Variants in INTS6L observed in about 807,000 individuals in gnomAD.
INTS6L encodes the protein integrator complex subunit 6-like.
A neutral mutation model predicts 64.7 loss-of-function variants in INTS6L; 18 were observed. The ratio of observed to expected loss-of-function variants is 0.28; its 90% CI spans 0.19 to 0.41. INTS6L has a LOEUF of 0.41. INTS6L is among the 10% of genes least tolerant of loss of function. INTS6L has a pLI of 1.00. For synonymous variants in INTS6L, 227 were observed against 235.9 expected (o/e 0.96, Z 0.34); for missense variants, 533 against 661.0 (o/e 0.81, Z 2.12).
intron 2 of INTS6L, among the ~76,000 whole-genome samples, chrX:135,543,883 T>G (rs782275340): frequency 8.9e-6 from 1 of 112,275 alleles, no homozygotes; most frequent in Admixed American, 9.4e-5. Flanking sequence ...TCCCTATATT[T>G]CCAGTACTAA....
chrX:135,564,929 G>A (rs1322681964), intron 9 of INTS6L, among the ~76,000 whole-genome samples: 4 of 111,169 alleles, frequency 3.6e-5, no homozygotes, highest in African/African-American at 6.6e-5. Context: ...GTCCAGGCTC[G>A]CCACTTGGCC....
intron 9 of INTS6L, 44 bp downstream of exon 9, chrX:135,556,344 G>A (rs781854471): frequency 2.8e-6 from 3 of 1,060,618 alleles, no homozygotes; most frequent in Non-Finnish European, 3.7e-6. Context: ...AAATACAACA[G>A]AAATGAAAAA....
At chrX:135,558,442 G>A (rs782157098) in intron 9 of INTS6L, among the ~76,000 whole-genome samples, 1 of 112,026 alleles carries the variant, frequency 8.9e-6, no homozygotes, top group Non-Finnish European at 1.9e-5. Flanking sequence ...ACATGCAATG[G>A]AATATTATTT....
At chrX:135,537,531 A>T (rs1020831801) in intron 2 of INTS6L, among the ~76,000 whole-genome samples, 3 of 111,519 alleles carry the variant, frequency 2.7e-5, no homozygotes, top group Non-Finnish European at 5.7e-5. Flanking sequence ...TTGGGTGAGG[A>T]AACAGCCACA....
At chrX:135,551,446 A>C (rs982842818) in intron 7 of INTS6L, among the ~76,000 whole-genome samples, 1 of 112,285 alleles carries the variant, frequency 8.9e-6, no homozygotes, top group African/African-American at 3.2e-5. Context: ...GCAAAAATCC[A>C]TCTGGGCCCT....
intron 8 of INTS6L, among the ~76,000 whole-genome samples, chrX:135,552,847 A>G (rs782792991): frequency 7.1e-5 from 8 of 112,492 alleles, no homozygotes; most frequent in Non-Finnish European, 1.3e-4. Flanking sequence ...TGTATGTTCT[A>G]TTTCTAAACT....
intron 2 of INTS6L, among the ~76,000 whole-genome samples, chrX:135,528,244 G>A (rs1160257329): frequency 8.9e-6 from 1 of 111,884 alleles, no homozygotes; most frequent in Non-Finnish European, 1.9e-5. Context: ...TGTTGGAAGT[G>A]GTGATTATGT....
intron 6 of INTS6L, among the ~76,000 whole-genome samples, chrX:135,548,905 G>A (rs1556516152): frequency 8.9e-6 from 1 of 111,797 alleles, no homozygotes; most frequent in African/African-American, 3.3e-5. Flanking sequence ...GAAGGAGGAA[G>A]GAAATGAAAT....
chrX:135,561,844 G>T (rs185204465), intron 9 of INTS6L, among the ~76,000 whole-genome samples: 3 of 111,048 alleles, frequency 2.7e-5, no homozygotes, highest in Non-Finnish European at 5.7e-5. Flanking sequence ...ATCCCTTATG[G>T]TCCTTTTGAT....
At chrX:135,564,283 A>G (rs2086873825) in intron 9 of INTS6L, among the ~76,000 whole-genome samples, 1 of 109,725 alleles carries the variant, frequency 9.1e-6, no homozygotes, top group Non-Finnish European at 1.9e-5. Flanking sequence ...TATATCTTCT[A>G]TTCTTATTCT....
Position 135,545,566 on chromosome X carries a change from T to C in INTS6L, c.333T>C (p.Tyr111=), listed in dbSNP as rs377372032. The change falls in exon 3 of 18, where the codon TAT becomes TAC. Residue 111 remains tyrosine, a synonymous_variant. Coordinates refer to ENST00000639893, the MANE Select transcript of INTS6L (RefSeq NM_001351601.3). ...LNRLISGIDN[Y]GQGRNPFFLE... ...GATTAATATCTGGAATAGACAATTA[T>C]GGACAGGTAAAAATAATTTGAGTGA... 33 of 1,197,584 alleles carry C rather than the reference T, an allele frequency of 2.8e-5. No individual in the cohort carries two copies. The African/African-American group carries it at 5.7e-4, about 21-fold the overall frequency.
chrX:135,521,419 GC>G, intron 2 of INTS6L, 101 bp downstream of exon 2: 1 of 865,698 alleles, frequency 1.2e-6, no homozygotes, highest in Non-Finnish European at 1.6e-6. Flanking sequence ...GCGTCGCCCG[GC>G]GGGGCGGGCG....
At position 135,521,110 on chromosome X, in the gene INTS6L, G is replaced by A. The variant is rs782064029; in HGVS notation, c.111+7G>A. ...TGTGGAGTTATTCTTGAAGGTAAAG[G>A]GAGGGGAGGGGAGAGATGGGGAGAG... On this transcript the variant is annotated splice_region_variant and intron_variant, in intron 1 of 17. Transcript: ENST00000639893. 33 of 1,202,791 alleles carry A rather than the reference G, an allele frequency of 2.7e-5. No homozygotes were observed. The South Asian group carries it at 5.3e-4, about 19-fold the overall frequency.
At chrX:135,557,970 C>T (rs2086684891) in intron 9 of INTS6L, among the ~76,000 whole-genome samples, 1 of 112,167 alleles carries the variant, frequency 8.9e-6, no homozygotes, top group African/African-American at 3.2e-5. Flanking sequence ...CCCTAAATAG[C>T]CTGCTTAAAA....
chrX:135,550,928 A>G (rs1294766256), intron 7 of INTS6L, among the ~76,000 whole-genome samples: 1 of 111,921 alleles, frequency 8.9e-6, no homozygotes, highest in Non-Finnish European at 1.9e-5. Flanking sequence ...TACCTGTTCA[A>G]ATCTAAGGAG....
chrX:135,526,200 C>T (rs1171548493), intron 2 of INTS6L, among the ~76,000 whole-genome samples: 1 of 111,771 alleles, frequency 8.9e-6, no homozygotes, highest in Admixed American at 9.5e-5. Context: ...TACTTCCAGT[C>T]TTGCTCTCCA....
intron 15 of INTS6L, among the ~76,000 whole-genome samples, chrX:135,579,319 T>C (rs1556532682): frequency 9.0e-6 from 1 of 111,247 alleles, no homozygotes; most frequent in East Asian, 2.8e-4. Flanking sequence ...GGTGATGGAG[T>C]GTGTATAGAA....
At chrX:135,523,364 T>C (rs947119120) in intron 2 of INTS6L, among the ~76,000 whole-genome samples, 9 of 83,443 alleles carry the variant, frequency 1.1e-4, no homozygotes, top group Non-Finnish European at 1.5e-4. Context: ...ACCATGCCAC[T>C]GCACTCCAGC....
chrX:135,559,175 A>T (rs2086719065), intron 9 of INTS6L, among the ~76,000 whole-genome samples: 2 of 112,003 alleles, frequency 1.8e-5, no homozygotes, highest in Admixed American at 9.5e-5. Context: ...GAAGTCTTGC[A>T]AAACTACAGT....
Sources: gnomAD v4.1 joint callset for allele counts (sites outside exome capture counted in the v4.1 genomes callset) on GRCh38, gnomAD v4.1.1 for gene constraint, MANE v1.5 for transcripts, NCBI Gene and HGNC (gene_info 2026-07-23, HGNC 2026-07-21) for gene names.